CCDC60: variants seen among roughly 807,000 people sequenced by gnomAD.
CCDC60 encodes coiled-coil domain-containing protein 60.
CCDC60 carries 54 observed loss-of-function variants against 63.5 expected under a neutral mutation model. The observed-to-expected ratio is 0.85, with a 90% CI of 0.68 to 1.07. The LOEUF is 1.07. CCDC60 is among the 50% of genes least tolerant of loss of function. CCDC60 has a pLI of 0.00. For missense variants in CCDC60, 651 were observed against 684.3 expected (o/e 0.95, Z 0.54); for synonymous variants, 206 against 238.8 (o/e 0.86, Z 1.27).
At chr12:119,432,296 T>C (rs896158048) in intron 2 of CCDC60, among the ~76,000 whole-genome samples, 1 of 152,188 alleles carries the variant, frequency 6.6e-6, no homozygotes, top group African/African-American at 2.4e-5. Flanking sequence ...TGGCGAGGGA[T>C]GAGCCTCCCA....
At chr12:119,385,899 GCAAA>G (rs1565979289) in intron 1 of CCDC60, among the ~76,000 whole-genome samples, 1 of 152,186 alleles carries the variant, frequency 6.6e-6, no homozygotes, top group African/African-American at 2.4e-5. Context: ...GGGGATCTAT[GCAAA>G]CAGTCTGTGC....
chr12:119,475,927 A>T (rs1355090805), intron 3 of CCDC60, among the ~76,000 whole-genome samples: 5 of 152,228 alleles, frequency 3.3e-5, no homozygotes, highest in Non-Finnish European at 5.9e-5. Flanking sequence ...AATTTCCATG[A>T]AAGCTGAAAA....
At position 119,442,935 on chromosome 12, in the gene CCDC60, G is replaced by A. The variant is rs552036495; in HGVS notation, c.170+14173G>A. Among the ~76,000 whole-genome samples, 3 of 152,314 alleles carry A rather than the reference G, an allele frequency of 2.0e-5. 1 individual carries two copies. Among genetic ancestry groups the A allele is most frequent in the African/African-American group, 4.8e-5 (2 of 41,570 alleles). On this transcript the variant is annotated intron_variant, in intron 2 of 13. Transcript: ENST00000327554. ...TAAAGAGGCTGAAAGTACTTCAGAC[G>A]TGACTTTTTGCTCTTCTGACTTTAG... is the stretch of plus-strand genomic sequence containing the variant.
At chr12:119,429,684 A>G (rs149307100) in intron 2 of CCDC60, 406 of 152,288 alleles carry the variant, frequency 2.7e-3, no homozygotes, top group African/African-American at 9.1e-3. Flanking sequence ...CAGCAGCACA[A>G]CTTCATGGAA....
At chr12:119,399,132 A>C (rs531745985) in intron 1 of CCDC60, among the ~76,000 whole-genome samples, 39 of 152,356 alleles carry the variant, frequency 2.6e-4, no homozygotes, top group African/African-American at 9.4e-4. Context: ...TGGGGTATGA[A>C]TATTTCATCA....
chr12:119,432,945 TCTATGCC>T (rs1433189240), intron 2 of CCDC60, among the ~76,000 whole-genome samples: 2 of 152,228 alleles, frequency 1.3e-5, no homozygotes, highest in African/African-American at 4.8e-5. Context: ...TTTGCTAATC[TCTATGCC>T]CTAGAGGCTA....
At chr12:119,361,348 G>A (rs1325864142) in intron 1 of CCDC60, among the ~76,000 whole-genome samples, 1 of 152,112 alleles carries the variant, frequency 6.6e-6, no homozygotes, top group Non-Finnish European at 1.5e-5. Context: ...TAAGGTTTCA[G>A]GCATAGCTAG....
intron 7 of CCDC60, among the ~76,000 whole-genome samples, chr12:119,510,190 TC>T (rs1190896044): frequency 2.1e-4 from 32 of 152,346 alleles, no homozygotes; most frequent in African/African-American, 7.7e-4. Flanking sequence ...TCTCTCTAGC[TC>T]AACATCTTTC....
intron 1 of CCDC60, among the ~76,000 whole-genome samples, chr12:119,370,305 G>T (rs1308126962): frequency 6.6e-6 from 1 of 152,252 alleles, no homozygotes; most frequent in Non-Finnish European, 1.5e-5. Flanking sequence ...CAGGCAGACA[G>T]TGCGCCCCGT....
chr12:119,406,443 T>C (rs1956493004), intron 1 of CCDC60, among the ~76,000 whole-genome samples: 1 of 152,118 alleles, frequency 6.6e-6, no homozygotes, highest in South Asian at 2.1e-4. Flanking sequence ...TTTATTTTCA[T>C]CCCTTCATCC....
intron 4 of CCDC60, among the ~76,000 whole-genome samples, chr12:119,486,045 AGGCCTCTCCCCC>A (rs1314936527): frequency 9.9e-5 from 15 of 152,236 alleles, no homozygotes; most frequent in African/African-American, 3.1e-4. Context: ...AAGAACCCAT[AGGCCTCTCCCCC>A]GGCCTCTCAC....
chr12:119,406,096 G>T (rs547173707), intron 1 of CCDC60, among the ~76,000 whole-genome samples: 4 of 152,042 alleles, frequency 2.6e-5, no homozygotes, highest in Admixed American at 6.5e-5. Flanking sequence ...GCTTGAACCC[G>T]GGAGGCAGAG....
intron 1 of CCDC60, among the ~76,000 whole-genome samples, chr12:119,424,059 T>C (rs1956860190): frequency 1.3e-5 from 2 of 152,222 alleles, no homozygotes; most frequent in South Asian, 4.1e-4. Context: ...AAATTATCGT[T>C]TAATTGCCTA....
chr12:119,384,195 CA>C (rs1026311643), intron 1 of CCDC60, among the ~76,000 whole-genome samples: 51 of 136,310 alleles, frequency 3.7e-4, no homozygotes, highest in Admixed American at 5.9e-4. Context: ...GACTCCATCT[CA>C]AAAAAAAAAA....
intron 1 of CCDC60, among the ~76,000 whole-genome samples, chr12:119,388,686 A>G: frequency 6.6e-6 from 1 of 152,256 alleles, no homozygotes. Context: ...AACACATATA[A>G]TCAAGACATT....
intron 2 of CCDC60, among the ~76,000 whole-genome samples, chr12:119,458,491 G>T (rs1466927006): frequency 6.6e-6 from 1 of 152,118 alleles, no homozygotes; most frequent in East Asian, 1.9e-4. Flanking sequence ...ATTTGTGGTA[G>T]TTAATCCCAT....
chr12:119,372,914 C>T (rs1046437599), intron 1 of CCDC60, among the ~76,000 whole-genome samples: 1 of 152,032 alleles, frequency 6.6e-6, no homozygotes, highest in African/African-American at 2.4e-5. Context: ...AGCATAATGT[C>T]GTGGATATTA....
rs910340533 is a variant in CCDC60 at position 119,540,966 on chromosome 12, C to T, written c.*251C>T. The T allele has an allele frequency of 1.4e-4, 55 of 399,712 alleles. No individual in the cohort carries two copies. Among genetic ancestry groups the T allele is most frequent in the Middle Eastern group, 6.4e-4 (1 of 1,560 alleles). 24.8% of individuals were successfully genotyped at this position (399,712 alleles called of 1,614,324 possible). A position where few individuals can be genotyped will look rare whatever the true frequency, so the allele number is the denominator to read the frequency against. ...TCTGTTCTTCAATGATCCAGCCTGA[C>T]TCTACCTACTTCCTCTTCAGATTCC... On this transcript the variant is annotated 3_prime_UTR_variant, in exon 14 of 14. Coordinates refer to ENST00000327554, the MANE Select transcript of CCDC60 (RefSeq NM_178499.5).
chr12:119,539,078 G>C (rs1265027014), intron 13 of CCDC60, among the ~76,000 whole-genome samples: 1 of 152,164 alleles, frequency 6.6e-6, no homozygotes, highest in African/African-American at 2.4e-5. Context: ...TCATCTCAGA[G>C]GGGCACCAGC....
Sources: gnomAD v4.1 joint callset for allele counts (sites outside exome capture counted in the v4.1 genomes callset) on GRCh38, gnomAD v4.1.1 for gene constraint, MANE v1.5 for transcripts, NCBI Gene and HGNC (gene_info 2026-07-23, HGNC 2026-07-21) for gene names.